The following CRISPLD1 variants were observed in gnomAD, a reference collection of about 807,000 sequenced individuals.
The protein encoded by CRISPLD1 is cysteine-rich secretory protein LCCL domain-containing 1.
A neutral mutation model predicts 77.5 loss-of-function variants in CRISPLD1; 60 were observed. The ratio of observed to expected loss-of-function variants is 0.77; its 90% CI spans 0.63 to 0.96. The LOEUF is 0.96. Among genes scored for constraint, CRISPLD1 ranks in the 40% least tolerant of loss-of-function variants. CRISPLD1 has a pLI of 0.00. For synonymous variants in CRISPLD1, 195 were observed against 200.1 expected (o/e 0.97, Z 0.22); for missense variants, 623 against 615.8 (o/e 1.01, Z -0.12).
At chr8:75,007,697 A>G (rs963212146) in intron 2 of CRISPLD1, among the ~76,000 whole-genome samples, 4 of 134,428 alleles carry the variant, frequency 3.0e-5, no homozygotes, top group Middle Eastern at 3.7e-3. Context: ...TAAAGAGACA[A>G]GTTCTTACAT....
chr8:75,023,317 A>G (rs1210623703), intron 12 of CRISPLD1, among the ~76,000 whole-genome samples: 3 of 152,234 alleles, frequency 2.0e-5, no homozygotes, highest in Non-Finnish European at 4.4e-5. Context: ...TGATTTTAAC[A>G]GCCATAAGGA....
At chr8:74,989,952 C>T (rs1812547860) in intron 2 of CRISPLD1, among the ~76,000 whole-genome samples, 1 of 152,010 alleles carries the variant, frequency 6.6e-6, no homozygotes, top group African/African-American at 2.4e-5. Flanking sequence ...ATGTCTTTTG[C>T]AGCAATGTGA....
At chr8:75,025,998 G>A (rs1813228573) in intron 13 of CRISPLD1, among the ~76,000 whole-genome samples, 1 of 152,082 alleles carries the variant, frequency 6.6e-6, no homozygotes, top group Non-Finnish European at 1.5e-5. Context: ...ACTGCCAAAC[G>A]GCCATTTAAA....
chr8:74,990,485 G>C (rs983397547), intron 2 of CRISPLD1, among the ~76,000 whole-genome samples: 2 of 151,770 alleles, frequency 1.3e-5, no homozygotes, highest in African/African-American at 2.4e-5. Context: ...TCCTTTTCCC[G>C]TTCTACAGGG....
At chr8:75,013,560 CT>C (rs1229626319) in intron 4 of CRISPLD1, among the ~76,000 whole-genome samples, 2 of 152,022 alleles carry the variant, frequency 1.3e-5, no homozygotes, top group African/African-American at 4.8e-5. Flanking sequence ...ATCAAACTAC[CT>C]GATAACCAGT....
chr8:74,991,157 T>C (rs1038204407), intron 2 of CRISPLD1, among the ~76,000 whole-genome samples: 1 of 152,060 alleles, frequency 6.6e-6, no homozygotes, highest in African/African-American at 2.4e-5. Context: ...CACTGCCAGC[T>C]AATTTTTATA....
rs766265421 is a variant in CRISPLD1 at position 75,033,410 on chromosome 8, A to G, written c.*1168A>G. 2 of 152,048 alleles carry G rather than the reference A, an allele frequency of 1.3e-5. No homozygotes were observed. The highest frequency in any genetic ancestry group is 2.9e-5 in the Non-Finnish European group (2 of 67,894). The allele number at this position is 152,048 out of a possible 1,614,324, so 9.4% of individuals were successfully genotyped here. On this transcript the variant is annotated 3_prime_UTR_variant, in exon 15 of 15. Transcript: ENST00000262207. ...AAACTTGGTTTATTGACGTTAGTAT[A>G]AATAACATACAATACCAGATGTCTA...
chr8:74,997,716 G>A (rs1473214568), intron 2 of CRISPLD1, among the ~76,000 whole-genome samples: 1 of 152,154 alleles, frequency 6.6e-6, no homozygotes, highest in Non-Finnish European at 1.5e-5. Flanking sequence ...TAAGAGGAAA[G>A]GATAGGATAG....
chr8:74,988,218 A>C (rs1461700272), intron 2 of CRISPLD1, among the ~76,000 whole-genome samples: 1 of 152,240 alleles, frequency 6.6e-6, no homozygotes, highest in South Asian at 2.1e-4. Context: ...AATGTAAATG[A>C]GATGTAGATC....
chr8:74,994,703 A>G (rs1812621392), intron 2 of CRISPLD1, among the ~76,000 whole-genome samples: 1 of 152,180 alleles, frequency 6.6e-6, no homozygotes, highest in East Asian at 1.9e-4. Context: ...TTACATGAGA[A>G]GTAGAACAGG....
At chr8:75,006,901 T>A (rs1049633717) in intron 2 of CRISPLD1, among the ~76,000 whole-genome samples, 10 of 152,078 alleles carry the variant, frequency 6.6e-5, no homozygotes, top group African/African-American at 2.4e-4. Flanking sequence ...AAGCATATAA[T>A]CTCATAAAAC....
At chr8:75,001,143 A>G (rs1812733822) in intron 2 of CRISPLD1, among the ~76,000 whole-genome samples, 1 of 152,138 alleles carries the variant, frequency 6.6e-6, no homozygotes, top group Non-Finnish European at 1.5e-5. Flanking sequence ...TGTATTTTAA[A>G]CATAAATTAT....
At chr8:75,030,877 C>T (rs776869721) in intron 14 of CRISPLD1, among the ~76,000 whole-genome samples, 45 of 151,554 alleles carry the variant, frequency 3.0e-4, no homozygotes, top group Non-Finnish European at 5.3e-4. Context: ...CATATAGATA[C>T]GTATATACAC....
At chr8:75,004,181 C>T (rs552803438) in intron 2 of CRISPLD1, among the ~76,000 whole-genome samples, 2 of 152,144 alleles carry the variant, frequency 1.3e-5, no homozygotes, top group Non-Finnish European at 2.9e-5. Context: ...GCTTCTTTCT[C>T]AGTAGTTGGC....
chr8:74,998,685 CAAAA>C (rs368258595), intron 2 of CRISPLD1, among the ~76,000 whole-genome samples: 9 of 50,968 alleles, frequency 1.8e-4, no homozygotes, highest in East Asian at 7.2e-4. Context: ...GACTCCATCT[CAAAA>C]AAAAAAAAAA....
chr8:75,032,112 T>C lies in CRISPLD1; in HGVS notation c.1452-79T>C. ...CATAGAGCTGCTTTCTTGACTGTCA[T>C]AAGAAAGCATGATTTGTAAGAAGGA... On this transcript the variant is annotated intron_variant, in intron 14 of 14. Coordinates refer to ENST00000262207, the MANE Select transcript of CRISPLD1 (RefSeq NM_031461.6). 5 of 992,198 alleles carry C rather than the reference T, an allele frequency of 5.0e-6. No homozygotes were observed. In the South Asian group the frequency reaches 8.5e-5, roughly 17 times the overall value. 61.5% of individuals were successfully genotyped at this position (992,198 alleles called of 1,614,324 possible). A position where few individuals can be genotyped will look rare whatever the true frequency, so the allele number is the denominator to read the frequency against.
At position 75,014,114 on chromosome 8, in the gene CRISPLD1, A is replaced by G. The variant is rs1446530998; in HGVS notation, c.626+12A>G. ...AATTACTCCCCAAAGTGAGTAGACAAAACACTACGTTCAGATGTACATTTT... is the reference window on the plus strand; with the variant it reads ...AATTACTCCCCAAAGTGAGTAGACAGAACACTACGTTCAGATGTACATTTT... On this transcript the variant is annotated intron_variant, in intron 5 of 14. Transcript: ENST00000262207. 2 of 1,469,134 alleles carry G rather than the reference A, an allele frequency of 1.4e-6. No homozygotes were observed. The highest frequency in any genetic ancestry group is 1.7e-5 in the Admixed American group (1 of 59,640). 91.0% of individuals were successfully genotyped at this position (1,469,134 alleles called of 1,614,324 possible).
At chr8:74,999,237 C>T (rs912217604) in intron 2 of CRISPLD1, among the ~76,000 whole-genome samples, 1 of 152,138 alleles carries the variant, frequency 6.6e-6, no homozygotes, top group East Asian at 1.9e-4. Flanking sequence ...ACATAAAAGA[C>T]AGCAGATTTT....
At chr8:75,010,343 T>A (rs1031373059) in intron 2 of CRISPLD1, among the ~76,000 whole-genome samples, 2 of 152,092 alleles carry the variant, frequency 1.3e-5, no homozygotes, top group African/African-American at 4.8e-5. Flanking sequence ...CTAGGGTGTT[T>A]TCCTTTTGGC....
Sources: allele counts gnomAD v4.1 joint callset (sites outside exome capture counted in the v4.1 genomes callset), GRCh38; gene constraint gnomAD v4.1.1; transcripts MANE v1.5; gene names NCBI Gene and HGNC (gene_info 2026-07-23, HGNC 2026-07-21).